Variants in COP1 observed in about 807,000 individuals in gnomAD.
The protein encoded by COP1 is E3 ubiquitin-protein ligase COP1.
Under a neutral mutation model 101.3 loss-of-function variants are expected in COP1, and 24 were observed. The observed-to-expected ratio is 0.24, with a 90% CI of 0.17 to 0.33. COP1 has a LOEUF of 0.33. Among genes scored for constraint, COP1 ranks in the 10% least tolerant of loss-of-function variants. The pLI is 1.00. For synonymous variants in COP1, 347 were observed against 341.9 expected (o/e 1.01, Z -0.17); for missense variants, 663 against 906.2 (o/e 0.73, Z 3.45).
At chr1:176,153,384 C>T (rs892447805) in intron 5 of COP1, among the ~76,000 whole-genome samples, 5 of 152,100 alleles carry the variant, frequency 3.3e-5, no homozygotes, top group African/African-American at 1.2e-4. Flanking sequence ...TCAGGTAGTT[C>T]CCAAGTCTTT....
Position 176,165,657 on chromosome 1 carries a change from G to A in COP1, c.566-1766C>T, listed in dbSNP as rs113796736. On this transcript the variant is annotated intron_variant, in intron 3 of 19. Transcript: ENST00000367669. Reference sequence around the variant, plus strand: ...GCCAAGATCGTGTCACTGCACTGCAGCCTAGGAGATAGAGCTAGACTCCAT... The same window carrying A: ...GCCAAGATCGTGTCACTGCACTGCAACCTAGGAGATAGAGCTAGACTCCAT... Among the ~76,000 whole-genome samples, 1,066 of 152,184 alleles carry A rather than the reference G, an allele frequency of 7.0e-3. 7 individuals carry two copies. The highest frequency in any genetic ancestry group is 0.012 in the Non-Finnish European group (814 of 67,988).
chr1:176,136,916 C>CT (rs900977336), intron 6 of COP1, among the ~76,000 whole-genome samples: 30 of 147,398 alleles, frequency 2.0e-4, no homozygotes, highest in East Asian at 5.9e-4. Context: ...GTTAATCACA[C>CT]TTTTTTTTTT....
chr1:176,082,022 T>C (rs1679242024), intron 10 of COP1, among the ~76,000 whole-genome samples: 4 of 152,288 alleles, frequency 2.6e-5, no homozygotes, highest in South Asian at 2.1e-4. Flanking sequence ...AGATAAATCA[T>C]GTGGAATTTA....
intron 11 of COP1, among the ~76,000 whole-genome samples, chr1:176,050,838 G>A (rs570201377): frequency 7.4e-4 from 113 of 152,194 alleles, no homozygotes; most frequent in African/African-American, 2.7e-3. Context: ...ATTTGTCCAC[G>A]GATACACCAG....
intron 9 of COP1, among the ~76,000 whole-genome samples, chr1:176,097,322 C>G (rs1041955746): frequency 3.3e-5 from 5 of 152,054 alleles, no homozygotes; most frequent in African/African-American, 4.8e-5. Context: ...TCATGGAACA[C>G]CAGTAATTAA....
At chr1:176,052,032 CTACAGTAATA>C (rs1329831109) in intron 11 of COP1, among the ~76,000 whole-genome samples, 1 of 152,074 alleles carries the variant, frequency 6.6e-6, no homozygotes, top group Non-Finnish European at 1.5e-5. Flanking sequence ...TTTATAAAGT[CTACAGTAATA>C]TACAGTAATA....
At chr1:176,074,584 G>A (rs2481654) in intron 11 of COP1, among the ~76,000 whole-genome samples, 148,083 of 152,272 alleles carry the variant, frequency 0.97, 72,151 homozygotes, top group East Asian at 1. Context: ...ACCACAATTT[G>A]TAAGTATTTC....
At chr1:176,065,067 C>T (rs1401137090) in intron 11 of COP1, among the ~76,000 whole-genome samples, 1 of 152,170 alleles carries the variant, frequency 6.6e-6, no homozygotes, top group Non-Finnish European at 1.5e-5. Context: ...AGTCAATAGC[C>T]CTGAAATAAC....
chr1:175,994,830 G>A (rs1557871239), intron 15 of COP1, among the ~76,000 whole-genome samples: 1 of 152,158 alleles, frequency 6.6e-6, no homozygotes, highest in Admixed American at 6.5e-5. Context: ...ACATTAGACA[G>A]ATCAATGAGA....
intron 11 of COP1, among the ~76,000 whole-genome samples, chr1:176,080,852 T>G (rs2149396062): frequency 6.6e-6 from 1 of 152,158 alleles, no homozygotes; most frequent in East Asian, 1.9e-4. Flanking sequence ...TATACAAACT[T>G]ACAGAAAATG....
At chr1:175,980,101 T>C (rs1266540667) in intron 18 of COP1, among the ~76,000 whole-genome samples, 2 of 152,134 alleles carry the variant, frequency 1.3e-5, no homozygotes. Context: ...TGGCTATTAT[T>C]ATGGGCACTT....
At chr1:176,176,303 C>G (rs759308299) in intron 2 of COP1, among the ~76,000 whole-genome samples, 4 of 152,062 alleles carry the variant, frequency 2.6e-5, no homozygotes, top group Non-Finnish European at 5.9e-5. Context: ...CATAACAACA[C>G]CAGAAAAGCT....
chr1:176,010,117 T>C (rs940352530), intron 15 of COP1, among the ~76,000 whole-genome samples: 1 of 152,130 alleles, frequency 6.6e-6, no homozygotes. Context: ...CAACTGTAAA[T>C]GTTTCACCAT....
Position 176,006,444 on chromosome 1 carries a change from C to T in COP1, c.1730-16965G>A, listed in dbSNP as rs543325809. On this transcript the variant is annotated intron_variant, in intron 15 of 19. Coordinates refer to ENST00000367669, the MANE Select transcript of COP1 (RefSeq NM_022457.7). ...AGTTGATGCAGTTTCTTCCTAGCCT[C>T]GATGGGCTTTACAATTTGGCATGAT... Among the ~76,000 whole-genome samples, 1,192 of 152,250 alleles carry T rather than the reference C, an allele frequency of 7.8e-3. 8 individuals carry two copies. The highest frequency in any genetic ancestry group is 0.032 in the South Asian group (154 of 4,820).
At chr1:176,053,356 T>C (rs1184577020) in intron 11 of COP1, among the ~76,000 whole-genome samples, 1 of 152,050 alleles carries the variant, frequency 6.6e-6, no homozygotes, top group Non-Finnish European at 1.5e-5. Flanking sequence ...CAGCTCAAAA[T>C]CTCCTGTAAC....
chr1:176,179,838 G>C (rs545421408), intron 2 of COP1, among the ~76,000 whole-genome samples: 1 of 150,954 alleles, frequency 6.6e-6, no homozygotes, highest in East Asian at 1.9e-4. Flanking sequence ...CACATCAATA[G>C]GCTTACTACA....
chr1:176,154,184 T>A (rs896588159), intron 5 of COP1, among the ~76,000 whole-genome samples: 1 of 152,184 alleles, frequency 6.6e-6, no homozygotes, highest in Admixed American at 6.6e-5. Context: ...TTTCTTTGTA[T>A]ATCTGGCAGG....
chr1:176,033,505 T>G (rs1668985166), intron 14 of COP1, among the ~76,000 whole-genome samples: 2 of 152,168 alleles, frequency 1.3e-5, no homozygotes, highest in African/African-American at 2.4e-5. Flanking sequence ...ACAGTCTAAA[T>G]TCTTCAAACT....
chr1:176,002,445 A>G lies in COP1; in HGVS notation c.1730-12966T>C, dbSNP rs530175971. ...ATGTATACATGTGCCATGCTGGTGT[A>G]CTGCACCCACTAACTCGTCACCTAG... On this transcript the variant is annotated intron_variant, in intron 15 of 19. Transcript: ENST00000367669. 2.7e-3 allele frequency among the ~76,000 whole-genome samples: 402 copies of G among 151,696 alleles called. 3 individuals carry two copies. The highest frequency in any genetic ancestry group is 9.0e-3 in the African/African-American group (372 of 41,352).
Sources: gnomAD v4.1 joint callset for allele counts (sites outside exome capture counted in the v4.1 genomes callset) on GRCh38, gnomAD v4.1.1 for gene constraint, MANE v1.5 for transcripts, NCBI Gene and HGNC (gene_info 2026-07-23, HGNC 2026-07-21) for gene names.